Variants in HPGD observed in about 807,000 individuals in gnomAD.
HPGD encodes the protein 15-hydroxyprostaglandin dehydrogenase [NAD(+)].
In HPGD, 29 loss-of-function variants were observed where a neutral mutation model predicts 30.0. That is an observed-to-expected ratio of 0.97 (90% CI 0.72 to 1.32). HPGD has a LOEUF of 1.32. HPGD is among the 40% of genes most tolerant of loss of function. HPGD has a pLI of 0.00. For synonymous variants in HPGD, 99 were observed against 112.4 expected (o/e 0.88, Z 0.75); for missense variants, 340 against 322.1 (o/e 1.06, Z -0.43).
chr4:174,495,343 T>C, intron 5 of HPGD: 1 of 595,300 alleles, frequency 1.7e-6, no homozygotes, highest in Middle Eastern at 4.5e-4. Flanking sequence ...AACACATCTG[T>C]ATTTAGAATC....
At chr4:174,509,260 A>G (rs1735348860) in intron 3 of HPGD, among the ~76,000 whole-genome samples, 1 of 152,142 alleles carries the variant, frequency 6.6e-6, no homozygotes, top group Non-Finnish European at 1.5e-5. Flanking sequence ...TTGATTTCCT[A>G]GAGGTTTTAT....
rs745754692 is a variant in HPGD at position 174,493,301 on chromosome 4, A to G, written c.512T>C (p.Leu171Pro). ...FTRSAALAANLMNSGVRLNAI... is the reference protein window; with the variant it reads ...FTRSAALAANPMNSGVRLNAI... ...ATTCAGTCTCACACCACTGTTCATA[A>G]GATTAGCAGCCAACTGCCAATTAGA... Residue 171 changes from leucine to proline, a missense_variant, in exon 6 of 7, where the codon CTT becomes CCT. Leu to Pro is a moderately conservative substitution (Grantham distance 98). Transcript: ENST00000296522. The G allele has an allele frequency of 1.9e-6, 3 of 1,613,174 alleles. No individual in the cohort carries two copies.
chr4:174,493,985 C>T (rs1014445828), intron 5 of HPGD, among the ~76,000 whole-genome samples: 1 of 152,064 alleles, frequency 6.6e-6, no homozygotes, highest in Non-Finnish European at 1.5e-5. Context: ...TTTGAGTCAC[C>T]GATGTGCATG....
Position 174,512,705 on chromosome 4 carries a change from T to C in HPGD, c.325-3913A>G, listed in dbSNP as rs147129987. ...AACATATTTTTAAGTAATACATTGGTAACAAAGGTTCCATGGTGTTTTCTT... is the reference window on the plus strand; with the variant it reads ...AACATATTTTTAAGTAATACATTGGCAACAAAGGTTCCATGGTGTTTTCTT... On this transcript the variant is annotated intron_variant, in intron 3 of 6. Transcript: ENST00000296522. Among the ~76,000 whole-genome samples, 335 of 152,334 alleles carry C rather than the reference T, an allele frequency of 2.2e-3. 1 individual carries two copies. The highest frequency in any genetic ancestry group is 3.4e-3 in the Non-Finnish European group (232 of 68,024).
At position 174,493,089 on chromosome 4, in the gene HPGD, T is replaced by A. The variant is rs971614005; in HGVS notation, c.662+62A>T. The A allele has an allele frequency of 1.3e-5, 18 of 1,396,800 alleles. No individual in the cohort carries two copies. The African/African-American group carries it at 2.0e-4, about 16-fold the overall frequency. 86.5% of individuals were successfully genotyped at this position (1,396,800 alleles called of 1,614,324 possible). A position where few individuals can be genotyped will look rare whatever the true frequency, so the allele number is the denominator to read the frequency against. On this transcript the variant is annotated intron_variant, in intron 6 of 6. Coordinates refer to ENST00000296522, the MANE Select transcript of HPGD (RefSeq NM_000860.6). The stretch of plus-strand genomic sequence containing the variant: ...TATAAGCTTATTTCTTCCCTTTTTA[T>A]AGCTTATCTAAATAATGCTTTGCTT...
rs150753455 is a variant in HPGD, at chr4:174,513,418, A to G, written c.324+4553T>C. Among the ~76,000 whole-genome samples the G allele has an allele frequency of 1.5e-4, 23 of 152,236 alleles. No homozygotes were observed. In the East Asian group the frequency reaches 4.0e-3, roughly 27 times the overall value. ...AAGATGTAATGAAATACAACTCTTA[A>G]TAAGTCAGGGGTATCCTCCAAAGAG... On this transcript the variant is annotated intron_variant, in intron 3 of 6. Coordinates refer to ENST00000296522, the MANE Select transcript of HPGD (RefSeq NM_000860.6).
Position 174,505,318 on chromosome 4 carries a change from A to G in HPGD, c.421+3378T>C, listed in dbSNP as rs1735129786. Among the ~76,000 whole-genome samples, 3 of 152,298 alleles carry G rather than the reference A, an allele frequency of 2.0e-5. No individual in the cohort carries two copies. In the South Asian group the frequency reaches 6.2e-4, roughly 32 times the overall value. On this transcript the variant is annotated intron_variant, in intron 4 of 6. Coordinates refer to ENST00000296522, the MANE Select transcript of HPGD (RefSeq NM_000860.6). ...TTGAGTTGAATACTGAATATTACCC[A>G]CAGCCATTCCTTCAATAGAGTAAGC...
At chr4:174,495,754 T>G in intron 4 of HPGD, 130 bp from the exon 5 acceptor site, 1 of 721,970 alleles carries the variant, frequency 1.4e-6, no homozygotes, top group Non-Finnish European at 2.4e-6. Context: ...CACAGTAACA[T>G]AAAACCAGAT....
At position 174,494,701 on chromosome 4, in the gene HPGD, CTT is replaced by C. The variant is rs1169070920; in HGVS notation, c.498+845_498+846del. The stretch of plus-strand genomic sequence containing the variant: ...TTCTCTTCATCTCTCTAGCTGCTCT[CTT>C]TGTCTCACCTAGATGAACCACCCAG... On this transcript the variant is annotated intron_variant, in intron 5 of 6. Transcript: ENST00000296522. The surrounding 1 kb of genome is among the most constrained non-coding windows in gnomAD (Gnocchi z 4.9). Among the ~76,000 whole-genome samples, 2 of 152,206 alleles carry C rather than the reference CTT, an allele frequency of 1.3e-5. No individual in the cohort carries two copies. The highest frequency in any genetic ancestry group is 2.9e-5 in the Non-Finnish European group (2 of 68,036).
intron 4 of HPGD, among the ~76,000 whole-genome samples, chr4:174,506,063 T>C (rs1012440416): frequency 9.8e-5 from 15 of 152,318 alleles, no homozygotes; most frequent in Admixed American, 8.5e-4. Context: ...ATGTTGTATC[T>C]GACATAGGTA....
At chr4:174,503,908 C>A (rs1735044685) in intron 4 of HPGD, among the ~76,000 whole-genome samples, 1 of 152,006 alleles carries the variant, frequency 6.6e-6, no homozygotes, top group Admixed American at 6.6e-5. Context: ...AATTTTTATA[C>A]AGATGAGGTC....
At chr4:174,511,054 T>A (rs546581805) in intron 3 of HPGD, among the ~76,000 whole-genome samples, 5 of 152,302 alleles carry the variant, frequency 3.3e-5, no homozygotes, top group East Asian at 1.9e-4. Flanking sequence ...AGCGTAACAG[T>A]CCTTAGAGAT....
intron 3 of HPGD, among the ~76,000 whole-genome samples, chr4:174,516,971 G>A (rs1377290174): frequency 3.3e-5 from 5 of 152,104 alleles, no homozygotes; most frequent in African/African-American, 7.2e-5. Flanking sequence ...TCTACTAGGA[G>A]GATATCATGA....
At chr4:174,519,964 G>A (rs529207339) in intron 2 of HPGD, among the ~76,000 whole-genome samples, 1 of 152,130 alleles carries the variant, frequency 6.6e-6, no homozygotes, top group South Asian at 2.1e-4. Context: ...CACTGCACCC[G>A]GCCTTTTTTC....
upstream of HPGD, chr4:174,522,514 T>C (rs1448037228): frequency 1.5e-6 from 2 of 1,322,110 alleles, no homozygotes; most frequent in Non-Finnish European, 2.0e-6. Context: ...CCGCGGCTTT[T>C]ATGCCCCCCT....
At chr4:174,513,398 G>A (rs913855471) in intron 3 of HPGD, among the ~76,000 whole-genome samples, 1 of 151,562 alleles carries the variant, frequency 6.6e-6, no homozygotes, top group Non-Finnish European at 1.5e-5. Flanking sequence ...ACCAAAAGAT[G>A]TAATGAAATA....
chr4:174,495,166 C>T (rs1039084317), intron 5 of HPGD, among the ~76,000 whole-genome samples: 1 of 152,082 alleles, frequency 6.6e-6, no homozygotes, highest in Admixed American at 6.5e-5. Flanking sequence ...CCTTCCAGCT[C>T]CATGTTCTCA....
Position 174,491,349 on chromosome 4 carries a change from A to C in HPGD, c.*607T>G, listed in dbSNP as rs1438460344. The C allele has an allele frequency of 1.3e-5, 2 of 150,992 alleles. No homozygotes were observed. The highest frequency in any genetic ancestry group is 2.9e-5 in the Non-Finnish European group (2 of 68,148). 9.4% of individuals were successfully genotyped at this position (150,992 alleles called of 1,614,324 possible). A position where few individuals can be genotyped will look rare whatever the true frequency, so the allele number is the denominator to read the frequency against. On this transcript the variant is annotated 3_prime_UTR_variant, in exon 7 of 7. Coordinates refer to ENST00000296522, the MANE Select transcript of HPGD (RefSeq NM_000860.6). ...GGCTGAACTGTGAATCAACAGTGTCAATCAGTTACTTTCTGTCATTTTTCC... is the reference window on the plus strand; with the variant it reads ...GGCTGAACTGTGAATCAACAGTGTCCATCAGTTACTTTCTGTCATTTTTCC...
chr4:174,520,201 C>A (rs1736029598), intron 2 of HPGD, among the ~76,000 whole-genome samples: 1 of 152,154 alleles, frequency 6.6e-6, no homozygotes, highest in African/African-American at 2.4e-5. Flanking sequence ...TCTGCCCTTA[C>A]CAATGTATAG....
Sources: gnomAD v4.1 joint callset for allele counts (sites outside exome capture counted in the v4.1 genomes callset) on GRCh38, gnomAD v4.1.1 for gene constraint, Gnocchi (gnomAD v3.1) non-coding constraint, MANE v1.5 for transcripts, NCBI Gene and HGNC (gene_info 2026-07-23, HGNC 2026-07-21) for gene names.